Variants in SCARB2 observed in about 807,000 individuals in gnomAD.
SCARB2 encodes the protein lysosome membrane protein 2.
SCARB2 carries 29 observed loss-of-function variants against 58.6 expected under a neutral mutation model. The ratio of observed to expected loss-of-function variants is 0.49; its 90% CI spans 0.37 to 0.67. The LOEUF is 0.67. Ranked by LOEUF, SCARB2 falls within the 30% of genes least tolerant of loss-of-function variation. The probability of loss-of-function intolerance (pLI) is 0.00; values close to 1 mark genes in which losing one functional copy is unlikely to be tolerated. For synonymous variants in SCARB2, 195 were observed against 210.1 expected (o/e 0.93, Z 0.62); for missense variants, 488 against 578.5 (o/e 0.84, Z 1.60).
chr4:76,190,299 C>T (rs904870895), intron 2 of SCARB2, among the ~76,000 whole-genome samples: 1 of 152,120 alleles, frequency 6.6e-6, no homozygotes, highest in African/African-American at 2.4e-5. Context: ...TGTGAGCCAC[C>T]GTGCCCAGTC....
intron 8 of SCARB2, among the ~76,000 whole-genome samples, chr4:76,169,177 T>C (rs1193331594): frequency 6.6e-6 from 1 of 151,898 alleles, no homozygotes; most frequent in Non-Finnish European, 1.5e-5. Context: ...GAGTGTGAAG[T>C]ACCCATAAAA....
chr4:76,200,115 G>A (rs1330699417), intron 1 of SCARB2, among the ~76,000 whole-genome samples: 1 of 152,198 alleles, frequency 6.6e-6, no homozygotes, highest in Non-Finnish European at 1.5e-5. Flanking sequence ...CCCCCTCAAA[G>A]GCGCCCTTTG....
At position 76,232,938 on chromosome 4, in the gene SCARB2, A is replaced by G. The variant is rs1302411862; in HGVS notation, c.-358+1365T>C. ...AATAACCCTTTTGAATTTAGTTAAC[A>G]TGGTCACAGAGAACCTCTTCTGCAA... On this transcript the variant is annotated intron_variant, in intron 1 of 11. Coordinates refer to the SCARB2 transcript ENST00000638295. 6.6e-5 allele frequency among the ~76,000 whole-genome samples: 10 copies of G among 152,350 alleles called. No individual in the cohort carries two copies. In the East Asian group the frequency reaches 1.9e-3, roughly 29 times the overall value.
intron 1 of SCARB2, among the ~76,000 whole-genome samples, chr4:76,201,829 T>C (rs766344948): frequency 2.5e-4 from 38 of 152,366 alleles, no homozygotes; most frequent in Middle Eastern, 6.8e-3. Flanking sequence ...ATGAATTTTT[T>C]ATAACATCCT....
At chr4:76,212,065 G>C (rs1293999853) in intron 1 of SCARB2, among the ~76,000 whole-genome samples, 3 of 152,008 alleles carry the variant, frequency 2.0e-5, no homozygotes, top group Non-Finnish European at 4.4e-5. Context: ...CATCCTATAG[G>C]GCTCCTTGAA....
chr4:76,208,607 G>GA (rs34518228), intron 1 of SCARB2, among the ~76,000 whole-genome samples: 1 of 152,194 alleles, frequency 6.6e-6, no homozygotes, highest in African/African-American at 2.4e-5. Flanking sequence ...GAAAGCAGAG[G>GA]AAAAAGTGGG....
chr4:76,198,338 C>A (rs1474441512), intron 1 of SCARB2, among the ~76,000 whole-genome samples: 2 of 152,162 alleles, frequency 1.3e-5, no homozygotes, highest in Admixed American at 6.5e-5. Context: ...GGGCTGGCAT[C>A]CAGCTTTTAG....
intron 7 of SCARB2, among the ~76,000 whole-genome samples, chr4:76,170,825 A>C (rs564390336): frequency 4.1e-4 from 62 of 152,102 alleles, no homozygotes; most frequent in Admixed American, 9.8e-4. Flanking sequence ...TGGCCTACAT[A>C]ATTTTTTAAG....
chr4:76,173,482 C>T (rs904171257), intron 7 of SCARB2: 6 of 154,656 alleles, frequency 3.9e-5, no homozygotes, highest in African/African-American at 1.2e-4. Context: ...AGGTGTGTGC[C>T]GCCACACCCA....
intron 11 of SCARB2, chr4:76,162,161 C>T (rs114494889): frequency 0.025 from 5,344 of 216,470 alleles, 98 homozygotes; most frequent in Non-Finnish European, 0.036. Context: ...CATGAGGTTT[C>T]ATTTGTGCTT....
chr4:76,220,220 C>G (rs941096006), intron 1 of SCARB2, among the ~76,000 whole-genome samples: 41 of 152,298 alleles, frequency 2.7e-4, no homozygotes, highest in African/African-American at 9.6e-4. Flanking sequence ...GTGTTCATAG[C>G]AGCATTGTTC....
chr4:76,203,208 C>G (rs1242838450), intron 1 of SCARB2, among the ~76,000 whole-genome samples: 2 of 152,132 alleles, frequency 1.3e-5, no homozygotes, highest in African/African-American at 4.8e-5. Context: ...CTCCTGGCCT[C>G]AAGTGATCCA....
chr4:76,209,173 C>G (rs999796722), intron 1 of SCARB2, among the ~76,000 whole-genome samples: 8 of 152,046 alleles, frequency 5.3e-5, no homozygotes, highest in Non-Finnish European at 7.4e-5. Flanking sequence ...TAAGATAAGT[C>G]TTCTTTGAAT....
intron 7 of SCARB2, 56 bp downstream of exon 7, chr4:76,174,088 C>T: frequency 1.2e-6 from 2 of 1,604,078 alleles, no homozygotes; most frequent in Non-Finnish European, 1.7e-6. Context: ...CTTTGTTGAA[C>T]TCCAATCCTT....
At chr4:76,176,613 T>A in intron 4 of SCARB2, 85 bp from the exon 5 acceptor site, 1 of 885,692 alleles carries the variant, frequency 1.1e-6, no homozygotes, top group Admixed American at 1.8e-5. Flanking sequence ...AGTTGTTTGG[T>A]CAAACACTAG....
chr4:76,198,837 A>AGTGTGT (rs1306920141), intron 1 of SCARB2, among the ~76,000 whole-genome samples: 2 of 130,856 alleles, frequency 1.5e-5, no homozygotes, highest in African/African-American at 3.2e-5. Flanking sequence ...CTGGAGAGTG[A>AGTGTGT]GTGAGTGTGT....
chr4:76,167,803 T>C (rs1048730136), intron 9 of SCARB2, among the ~76,000 whole-genome samples: 2 of 151,094 alleles, frequency 1.3e-5, no homozygotes, highest in Non-Finnish European at 2.9e-5. Flanking sequence ...TGCCTCAGCC[T>C]CCCGAATAGC....
intron 11 of SCARB2, 172 bp from the exon 12 acceptor site, chr4:76,161,923 G>A (rs113578936): frequency 1.5e-6 from 1 of 651,046 alleles, no homozygotes; most frequent in African/African-American, 2.0e-5. Context: ...AGATTCAGCA[G>A]GCCTAACCTT....
chr4:76,216,346 G>C (rs568709257), upstream of SCARB2, among the ~76,000 whole-genome samples: 1 of 152,230 alleles, frequency 6.6e-6, no homozygotes, highest in African/African-American at 2.4e-5. Flanking sequence ...TGCCTGCCTA[G>C]GTACTTTGGC....
Sources: gnomAD v4.1 joint callset for allele counts (sites outside exome capture counted in the v4.1 genomes callset) on GRCh38, gnomAD v4.1.1 for gene constraint, MANE v1.5 for transcripts, NCBI Gene and HGNC (gene_info 2026-07-23, HGNC 2026-07-21) for gene names.